Variants in AGBL4 observed in about 807,000 individuals in gnomAD.
AGBL4 encodes the protein cytosolic carboxypeptidase 6.
AGBL4 carries 58 observed loss-of-function variants against 66.4 expected under a neutral mutation model. The ratio of observed to expected loss-of-function variants is 0.87; its 90% CI spans 0.71 to 1.09. The LOEUF (loss-of-function observed/expected upper bound fraction) is 1.09, where lower values mean the gene tolerates loss of function less well. Among genes scored for constraint, AGBL4 ranks in the 50% least tolerant of loss-of-function variants. The probability of loss-of-function intolerance (pLI) is 0.00; values close to 1 mark genes in which losing one functional copy is unlikely to be tolerated. For synonymous variants in AGBL4, 234 were observed against 222.9 expected (o/e 1.05, Z -0.44); for missense variants, 579 against 631.0 (o/e 0.92, Z 0.88).
intron 3 of AGBL4, among the ~76,000 whole-genome samples, chr1:49,518,942 T>C (rs1326327411): frequency 6.6e-6 from 1 of 152,056 alleles, no homozygotes; most frequent in Non-Finnish European, 1.5e-5. Flanking sequence ...TCTGAACTGT[T>C]CAAAAGCTGT....
intron 5 of AGBL4, among the ~76,000 whole-genome samples, chr1:48,875,098 G>A (rs1225524928): frequency 6.6e-6 from 1 of 152,162 alleles, no homozygotes; most frequent in African/African-American, 2.4e-5. Flanking sequence ...GAAAGACACA[G>A]CCCCTGCCCT....
chr1:49,201,056 T>C lies in AGBL4; in HGVS notation c.377+44714A>G, dbSNP rs117599621. On this transcript the variant is annotated intron_variant, in intron 4 of 13. Transcript: ENST00000371839. ...GTCCAACGGTTTTAGGAGATGGATATCAGGAAAAAAGAGGGAGACTAAATC... is the reference window on the plus strand; with the variant it reads ...GTCCAACGGTTTTAGGAGATGGATACCAGGAAAAAAGAGGGAGACTAAATC... 4.9e-4 allele frequency among the ~76,000 whole-genome samples: 75 copies of C among 152,212 alleles called. No individual in the cohort carries two copies. The East Asian group carries it at 0.014, about 29-fold the overall frequency.
intron 5 of AGBL4, among the ~76,000 whole-genome samples, chr1:48,914,706 ATGT>A (rs1433991856): frequency 6.6e-6 from 1 of 152,144 alleles, no homozygotes; most frequent in Non-Finnish European, 1.5e-5. Flanking sequence ...TTTTTAGTTG[ATGT>A]TGTTAAATAG....
intron 8 of AGBL4, among the ~76,000 whole-genome samples, chr1:48,639,454 A>G (rs920994189): frequency 2.8e-4 from 42 of 152,224 alleles, no homozygotes; most frequent in Admixed American, 2.7e-3. Context: ...GTAAAATGGA[A>G]TGCTATACTT....
intron 6 of AGBL4, among the ~76,000 whole-genome samples, chr1:48,747,862 C>T (rs1465057014): frequency 6.6e-6 from 1 of 152,160 alleles, no homozygotes; most frequent in Non-Finnish European, 1.5e-5. Context: ...TGTTTGGACA[C>T]TAAATATCAT....
chr1:48,894,795 C>T (rs1218497824), intron 5 of AGBL4, among the ~76,000 whole-genome samples: 3 of 152,030 alleles, frequency 2.0e-5, no homozygotes, highest in Non-Finnish European at 4.4e-5. Flanking sequence ...CTACAATGAA[C>T]AAAGGATGAA....
At chr1:48,578,697 C>T (rs1177805251) in intron 11 of AGBL4, among the ~76,000 whole-genome samples, 3 of 152,160 alleles carry the variant, frequency 2.0e-5, no homozygotes, top group African/African-American at 7.2e-5. Context: ...TAACTCATTG[C>T]CTTGTTCTTG....
At chr1:49,276,632 A>G (rs1644173028) in intron 3 of AGBL4, among the ~76,000 whole-genome samples, 1 of 152,186 alleles carries the variant, frequency 6.6e-6, no homozygotes, top group Non-Finnish European at 1.5e-5. Flanking sequence ...CGTACCATCT[A>G]TTCTCTCTGA....
intron 2 of AGBL4, among the ~76,000 whole-genome samples, chr1:49,735,298 T>TGG (rs966092606): frequency 8.6e-5 from 6 of 69,976 alleles, no homozygotes; most frequent in African/African-American, 2.6e-4. Flanking sequence ...GGTGTGTGGG[T>TGG]GTGTGTGTGT....
chr1:48,559,794 C>T (rs977399614), intron 11 of AGBL4, among the ~76,000 whole-genome samples: 1 of 152,124 alleles, frequency 6.6e-6, no homozygotes, highest in Admixed American at 6.5e-5. Flanking sequence ...TCTCTGCCCC[C>T]TCCCCTACAT....
chr1:48,989,324 G>A (rs1272758733), intron 5 of AGBL4, among the ~76,000 whole-genome samples: 3 of 151,868 alleles, frequency 2.0e-5, no homozygotes, highest in African/African-American at 4.8e-5. Context: ...TCACATCAAG[G>A]TAAATGGGGT....
At chr1:49,364,615 C>G (rs1282988024) in intron 3 of AGBL4, among the ~76,000 whole-genome samples, 1 of 152,044 alleles carries the variant, frequency 6.6e-6, no homozygotes, top group African/African-American at 2.4e-5. Context: ...GTAGCTGGGC[C>G]TACAGACGTG....
intron 2 of AGBL4, chr1:49,841,848 A>G (rs931942488): frequency 6.2e-5 from 30 of 487,486 alleles, no homozygotes; most frequent in East Asian, 4.8e-5. Context: ...TCTCACAGTC[A>G]GGCGGAGCAG....
intron 5 of AGBL4, among the ~76,000 whole-genome samples, chr1:48,948,539 A>G (rs2148924300): frequency 6.6e-6 from 1 of 152,308 alleles, no homozygotes; most frequent in East Asian, 1.9e-4. Context: ...TGGGCTCAAT[A>G]AACAGCTGCT....
At chr1:49,238,345 G>A (rs981819693) in intron 4 of AGBL4, among the ~76,000 whole-genome samples, 2 of 152,146 alleles carry the variant, frequency 1.3e-5, no homozygotes, top group African/African-American at 4.8e-5. Context: ...ATAGGTCCCT[G>A]AGGCTCTGTT....
intron 5 of AGBL4, among the ~76,000 whole-genome samples, chr1:48,935,749 G>A (rs937914627): frequency 1.3e-5 from 2 of 151,396 alleles, no homozygotes; most frequent in African/African-American, 4.9e-5. Context: ...CTTGAGGCCA[G>A]GAGTTTGAGA....
chr1:50,002,636 T>G (rs1450996704), intron 1 of AGBL4, among the ~76,000 whole-genome samples: 1 of 152,116 alleles, frequency 6.6e-6, no homozygotes, highest in Admixed American at 6.5e-5. Context: ...CCCAAAGTGC[T>G]GGGATTACAG....
chr1:48,781,670 C>T (rs1167082257), intron 6 of AGBL4, among the ~76,000 whole-genome samples: 3 of 152,230 alleles, frequency 2.0e-5, no homozygotes, highest in Non-Finnish European at 4.4e-5. Context: ...AGCTTACTAG[C>T]TCCCCTTAAC....
intron 5 of AGBL4, among the ~76,000 whole-genome samples, chr1:48,877,969 A>G (rs1457998795): frequency 6.6e-6 from 1 of 152,202 alleles, no homozygotes; most frequent in Non-Finnish European, 1.5e-5. Flanking sequence ...CGCATCTCTA[A>G]AATGAGGACT....
Sources: gnomAD v4.1 joint callset for allele counts (sites outside exome capture counted in the v4.1 genomes callset) on GRCh38, gnomAD v4.1.1 for gene constraint, MANE v1.5 for transcripts, NCBI Gene and HGNC (gene_info 2026-07-23, HGNC 2026-07-21) for gene names.